Variants in TDRD3 observed in about 807,000 individuals in gnomAD.
TDRD3 encodes the protein tudor domain containing 3, also known as tudor domain-containing protein 3.
A neutral mutation model predicts 86.7 loss-of-function variants in TDRD3; 45 were observed. The observed-to-expected ratio is 0.52, with a 90% CI of 0.41 to 0.67. The LOEUF is 0.67. TDRD3 is among the 30% of genes least tolerant of loss of function. The pLI is 0.00. For synonymous variants in TDRD3, 298 were observed against 301.7 expected, an observed-to-expected ratio of 0.99 and a Z score of 0.13; for missense variants, 814 against 889.0, an observed-to-expected ratio of 0.92 and a Z score of 1.07.
intron 7 of TDRD3, among the ~76,000 whole-genome samples, chr13:60,491,800 T>G (rs921107000): frequency 7.2e-5 from 11 of 152,096 alleles, no homozygotes; most frequent in Admixed American, 1.3e-4. Flanking sequence ...TTTCAGGTTT[T>G]TTTTTTTTTT....
upstream of TDRD3, among the ~76,000 whole-genome samples, chr13:60,396,207 C>G (rs1229967796): frequency 6.6e-6 from 1 of 152,212 alleles, no homozygotes; most frequent in Non-Finnish European, 1.5e-5. Context: ...GGATTAAGTT[C>G]CTAACAGTCT....
intron 8 of TDRD3, among the ~76,000 whole-genome samples, chr13:60,503,890 A>G (rs1337058987): frequency 2.0e-5 from 3 of 152,260 alleles, no homozygotes; most frequent in African/African-American, 4.8e-5. Flanking sequence ...GAAACCTTAT[A>G]GACGATTCCA....
At chr13:60,486,002 A>G in intron 7 of TDRD3, 54 bp downstream of exon 7, 1 of 1,484,566 alleles carries the variant, frequency 6.7e-7, no homozygotes, top group South Asian at 1.4e-5. Flanking sequence ...TTCTATTTAG[A>G]TTATTTGTGA....
chr13:60,573,598 C>T lies in TDRD3; in HGVS notation c.*10-18C>T. On this transcript the variant is annotated intron_variant, in intron 13 of 13. Coordinates refer to ENST00000377881, the MANE Select transcript of TDRD3 (RefSeq NM_001146070.2). ...TTTGAGGCTTCAATTTCATTTTCTTCATTTCTTTTTAAAGTAGACTCTTTG... is the reference window on the plus strand; with the variant it reads ...TTTGAGGCTTCAATTTCATTTTCTTTATTTCTTTTTAAAGTAGACTCTTTG... The T allele has an allele frequency of 1.0e-6, 1 of 985,254 alleles. No individual in the cohort carries two copies. Among genetic ancestry groups the T allele is most frequent in the Non-Finnish European group, 1.2e-6 (1 of 829,812 alleles). 61.0% of individuals were successfully genotyped at this position (985,254 alleles called of 1,614,324 possible).
chr13:60,489,827 G>A (rs1270667786), intron 7 of TDRD3, among the ~76,000 whole-genome samples: 1 of 151,966 alleles, frequency 6.6e-6, no homozygotes, highest in Non-Finnish European at 1.5e-5. Flanking sequence ...TAAAATTATG[G>A]AGTTTCAGAA....
At chr13:60,484,775 G>A (rs1323971892) in intron 6 of TDRD3, 8 of 430,764 alleles carry the variant, frequency 1.9e-5, no homozygotes, top group Non-Finnish European at 3.7e-5. Flanking sequence ...TTCTCCCAGT[G>A]TAATGAAAAC....
chr13:60,544,883 A>T (rs142523796), intron 12 of TDRD3, among the ~76,000 whole-genome samples: 3 of 152,190 alleles, frequency 2.0e-5, no homozygotes, highest in Admixed American at 6.5e-5. Context: ...TCTTGATAGT[A>T]TCAGAATTTT....
At chr13:60,536,350 G>C (rs981743271) in intron 12 of TDRD3, 5 of 151,866 alleles carry the variant, frequency 3.3e-5, no homozygotes, top group Non-Finnish European at 5.9e-5. Flanking sequence ...TTAAGAGATC[G>C]TTTCCCTAAC....
Position 60,529,148 on chromosome 13 carries a change from T to G in TDRD3, c.1923T>G (p.Ile641Met), listed in dbSNP as rs1364897384. The G allele has an allele frequency of 1.4e-5, 22 of 1,611,450 alleles. No homozygotes were observed. The highest frequency in any genetic ancestry group is 1.8e-5 in the Non-Finnish European group (21 of 1,179,394). ...CAGAAAAAATACTAGAATCATCTAT[T>G]CCTATGGAGTATGCAAAAATGTGGA... ...IKPEKILESSIPMEYAKMWKP... is the reference protein window; with the variant it reads ...IKPEKILESSMPMEYAKMWKP... The change falls in exon 11 of 14, where the codon ATT becomes ATG. Residue 641 changes from isoleucine to methionine, a missense_variant. Physicochemically the swap from Ile to Met is conservative, Grantham distance 10. Coordinates refer to ENST00000377881, the MANE Select transcript of TDRD3 (RefSeq NM_001146070.2).
chr13:60,558,498 T>C (rs1352911055), intron 12 of TDRD3, among the ~76,000 whole-genome samples: 1 of 152,214 alleles, frequency 6.6e-6, no homozygotes. Flanking sequence ...TAGATAGGCA[T>C]ATGCATTTTT....
chr13:60,436,242 T>G (rs116964290), intron 1 of TDRD3, among the ~76,000 whole-genome samples: 2,134 of 152,216 alleles, frequency 0.014, 25 homozygotes, highest in Middle Eastern at 0.031. Context: ...TCTTTTGTTG[T>G]GCAGAAGCTT....
intron 1 of TDRD3, among the ~76,000 whole-genome samples, chr13:60,411,702 C>T (rs1302926372): frequency 6.6e-6 from 1 of 151,950 alleles, no homozygotes; most frequent in East Asian, 1.9e-4. Flanking sequence ...GCTTTGATGT[C>T]CCCTCACCCC....
chr13:60,479,865 T>A (rs529492441), intron 5 of TDRD3, among the ~76,000 whole-genome samples: 1 of 152,322 alleles, frequency 6.6e-6, no homozygotes, highest in East Asian at 1.9e-4. Flanking sequence ...TGTTTCTCCA[T>A]CCCTTTACCT....
intron 10 of TDRD3, among the ~76,000 whole-genome samples, chr13:60,522,345 G>A (rs138622338): frequency 9.2e-5 from 14 of 152,232 alleles, no homozygotes; most frequent in Non-Finnish European, 1.8e-4. Context: ...AGGAGTTGGT[G>A]GTAGTGGGAA....
rs118161583 is a variant in TDRD3 at position 60,557,312 on chromosome 13, C to T, written c.2119-10213C>T. On this transcript the variant is annotated intron_variant, in intron 12 of 13. Coordinates refer to ENST00000377881, the MANE Select transcript of TDRD3 (RefSeq NM_001146070.2). Reference sequence around the variant, plus strand: ...CTGCCTGAGAAAGCCAGAGAGCTCCCTTCACCAGAGTTATTTGCAAGAGGC... The same window carrying T: ...CTGCCTGAGAAAGCCAGAGAGCTCCTTTCACCAGAGTTATTTGCAAGAGGC... 4.9e-3 allele frequency among the ~76,000 whole-genome samples: 751 copies of T among 152,260 alleles called. 3 individuals carry two copies. The highest frequency in any genetic ancestry group is 0.024 in the Middle Eastern group (7 of 294).
chr13:60,411,984 C>T (rs1382860947), intron 1 of TDRD3, among the ~76,000 whole-genome samples: 1 of 152,188 alleles, frequency 6.6e-6, no homozygotes, highest in East Asian at 1.9e-4. Flanking sequence ...GCCATAGAGT[C>T]AGTTCCCTGA....
intron 12 of TDRD3, chr13:60,535,748 TTA>T (rs1957685373): frequency 6.6e-6 from 1 of 152,196 alleles, no homozygotes; most frequent in African/African-American, 2.4e-5. Context: ...TGTTTGCTAA[TTA>T]TTGGAGTAGT....
chr13:60,437,121 C>CTTTTTT lies in TDRD3; in HGVS notation c.42-2550_42-2545dup, dbSNP rs528500199. ...AGCATTAATTGTTTGATAAATTAAA[C>CTTTTTT]TTTTTTTTTTTTTTTTTTTTTTGAG... is the stretch of plus-strand genomic sequence containing the variant. On this transcript the variant is annotated intron_variant, in intron 1 of 13. Transcript: ENST00000377881. 4.3e-3 allele frequency among the ~76,000 whole-genome samples: 316 copies of CTTTTTT among 73,786 alleles called. 12 individuals are homozygous for CTTTTTT. Among genetic ancestry groups the CTTTTTT allele is most frequent in the Non-Finnish European group, 6.0e-3 (237 of 39,598 alleles). The allele number at this position is 73,786 out of a possible 152,430, so 48.4% of individuals were successfully genotyped here. A position where few individuals can be genotyped will look rare whatever the true frequency, so the allele number is the denominator to read the frequency against.
At chr13:60,520,519 GT>G (rs1957265870) in intron 10 of TDRD3, among the ~76,000 whole-genome samples, 2 of 152,126 alleles carry the variant, frequency 1.3e-5, no homozygotes, top group East Asian at 3.9e-4. Context: ...CTCCACAGAC[GT>G]TTTCCCTCTA....
Sources: allele counts gnomAD v4.1 joint callset (sites outside exome capture counted in the v4.1 genomes callset), GRCh38; gene constraint gnomAD v4.1.1; transcripts MANE v1.5; gene names NCBI Gene and HGNC (gene_info 2026-07-23, HGNC 2026-07-21).